Variants in LCMT1 observed in about 807,000 individuals in gnomAD.
LCMT1 encodes the protein [Phosphatase 2A protein]-leucine-carboxy methyltransferase 1.
In LCMT1, 32 loss-of-function variants were observed where a neutral mutation model predicts 47.7. That is an observed-to-expected ratio of 0.67 (90% CI 0.51 to 0.90). The LOEUF (loss-of-function observed/expected upper bound fraction) is 0.90, where lower values mean the gene tolerates loss of function less well. Among genes scored for constraint, LCMT1 ranks in the 40% least tolerant of loss-of-function variants. The pLI is 0.00. For synonymous variants in LCMT1, 152 were observed against 149.7 expected (o/e 1.02, Z -0.11); for missense variants, 375 against 415.2 (o/e 0.90, Z 0.84).
intron 2 of LCMT1, 57 bp from the exon 3 acceptor site, chr16:25,132,345 G>A: frequency 1.2e-6 from 2 of 1,603,558 alleles, no homozygotes; most frequent in Non-Finnish European, 1.7e-6. Flanking sequence ...GCTTCACAGG[G>A]ATAATTTCTG....
At chr16:25,126,979 A>G (rs1346782002) in intron 1 of LCMT1, among the ~76,000 whole-genome samples, 1 of 152,158 alleles carries the variant, frequency 6.6e-6, no homozygotes, top group Admixed American at 6.5e-5. Flanking sequence ...AGATGACACT[A>G]TATGATTTCT....
intron 4 of LCMT1, chr16:25,146,676 T>G (rs1241368067): frequency 6.6e-6 from 1 of 152,210 alleles, no homozygotes; most frequent in African/African-American, 2.4e-5. Context: ...GGCCTCCAAA[T>G]TTTCTGTAAT....
In LCMT1 at chr16:25,118,985, A is replaced by T. The variant is rs1366030622; in HGVS notation, c.113+6989A>T. Among the ~76,000 whole-genome samples the T allele has an allele frequency of 2.6e-5, 4 of 152,262 alleles. No homozygotes were observed. In the East Asian group the frequency reaches 7.7e-4, roughly 29 times the overall value. ...GGTGGTCTCACTTGGTTTTAATAGC[A>T]TTGCTTCAGCCTCTGTTAGGAGCAG... On this transcript the variant is annotated intron_variant, in intron 1 of 10. Transcript: ENST00000399069.
chr16:25,169,302 A>G, intron 8 of LCMT1, 89 bp downstream of exon 8: 1 of 854,184 alleles, frequency 1.2e-6, no homozygotes, highest in Non-Finnish European at 2.0e-6. Context: ...ATCATGGAGA[A>G]GCCCTGTTCA....
Position 25,153,032 on chromosome 16 carries a change from A to G in LCMT1, c.466+1417A>G, listed in dbSNP as rs138739204. Among the ~76,000 whole-genome samples the G allele has an allele frequency of 1.2e-4, 18 of 152,298 alleles. No individual in the cohort carries two copies. In the South Asian group the frequency reaches 2.9e-3, roughly 25 times the overall value. ...AGTCAGCACAGGTAACACCGTGGGC[A>G]TCAGGTGACTAGATGAGCCAGGTTT... On this transcript the variant is annotated intron_variant, in intron 5 of 10. Transcript: ENST00000399069.
rs1461660592 is a variant in LCMT1 at position 25,128,461 on chromosome 16, T to C, written c.114-14T>C. The C allele has an allele frequency of 5.6e-6, 9 of 1,593,106 alleles. No individual in the cohort carries two copies. Among genetic ancestry groups the C allele is most frequent in the Non-Finnish European group, 7.7e-6 (9 of 1,167,064 alleles). On this transcript the variant is annotated splice_polypyrimidine_tract_variant and intron_variant, in intron 1 of 10. Coordinates refer to ENST00000399069, the MANE Select transcript of LCMT1 (RefSeq NM_016309.3). ...CAATCTCTACTCACCTTCCTCCTTT[T>C]TTCTCCCTTCCAGGTTTGCAGTAAG...
intron 6 of LCMT1, among the ~76,000 whole-genome samples, chr16:25,164,376 T>C (rs1184980347): frequency 6.6e-6 from 1 of 152,160 alleles, no homozygotes; most frequent in African/African-American, 2.4e-5. Context: ...ATGTTTTCAT[T>C]GCCACACAAA....
chr16:25,140,431 A>G (rs768872056), intron 4 of LCMT1, 184 bp downstream of exon 4: 93 of 590,564 alleles, frequency 1.6e-4, no homozygotes, highest in Non-Finnish European at 2.6e-4. Flanking sequence ...AAAATGCAAT[A>G]TACATTTCCT....
chr16:25,115,302 C>T (rs1959753118), intron 1 of LCMT1, among the ~76,000 whole-genome samples: 1 of 152,206 alleles, frequency 6.6e-6, no homozygotes, highest in African/African-American at 2.4e-5. Context: ...CATCCTTCAT[C>T]CCTCGGTAAT....
chr16:25,127,915 T>C (rs1263863418), intron 1 of LCMT1, among the ~76,000 whole-genome samples: 3 of 152,214 alleles, frequency 2.0e-5, no homozygotes. Flanking sequence ...TTAAGGCTAC[T>C]GTGGCATTTT....
chr16:25,177,362 A>G (rs920585488), intron 10 of LCMT1, among the ~76,000 whole-genome samples: 2 of 152,130 alleles, frequency 1.3e-5, no homozygotes, highest in Admixed American at 6.6e-5. Context: ...CTATTTCTAA[A>G]TAGTGTTTTG....
intron 2 of LCMT1, among the ~76,000 whole-genome samples, chr16:25,130,017 G>C (rs1745541332): frequency 6.6e-6 from 1 of 152,138 alleles, no homozygotes; most frequent in Non-Finnish European, 1.5e-5. Flanking sequence ...GACAGCAGTA[G>C]GCCTAGGCTT....
chr16:25,138,347 A>C (rs1175965557), intron 3 of LCMT1, among the ~76,000 whole-genome samples: 29 of 152,114 alleles, frequency 1.9e-4, no homozygotes. Flanking sequence ...GACAGAGCTC[A>C]GGAGGAGTGA....
chr16:25,163,252 A>G (rs1197731423), intron 6 of LCMT1, among the ~76,000 whole-genome samples: 1 of 152,160 alleles, frequency 6.6e-6, no homozygotes, highest in African/African-American at 2.4e-5. Context: ...GCGGATCACG[A>G]GGTCAAGAGA....
chr16:25,135,114 A>T (rs1030359851), intron 3 of LCMT1, among the ~76,000 whole-genome samples: 2 of 152,074 alleles, frequency 1.3e-5, no homozygotes, highest in African/African-American at 2.4e-5. Context: ...CCTCTTATTT[A>T]TGAGCAAAGT....
At chr16:25,163,302 A>G (rs1961487540) in intron 6 of LCMT1, among the ~76,000 whole-genome samples, 1 of 152,106 alleles carries the variant, frequency 6.6e-6, no homozygotes, top group Admixed American at 6.5e-5. Context: ...CCCCGTCTCT[A>G]CTACAAATAC....
intron 1 of LCMT1, among the ~76,000 whole-genome samples, chr16:25,117,275 G>T (rs1243891102): frequency 2.0e-5 from 3 of 152,120 alleles, no homozygotes; most frequent in African/African-American, 7.2e-5. Context: ...TGCTGGCCAG[G>T]GTGATTGTCA....
At chr16:25,149,790 A>G (rs549703559) in intron 4 of LCMT1, among the ~76,000 whole-genome samples, 1 of 151,770 alleles carries the variant, frequency 6.6e-6, no homozygotes, top group Non-Finnish European at 1.5e-5. Context: ...GGGTGCATCT[A>G]TAGTCTCAGC....
chr16:25,122,647 A>G lies in LCMT1; in HGVS notation c.114-5828A>G, dbSNP rs1179839854. 4.0e-5 allele frequency among the ~76,000 whole-genome samples: 6 copies of G among 150,752 alleles called. No homozygotes were observed. In the East Asian group the frequency reaches 1.2e-3, roughly 30 times the overall value. On this transcript the variant is annotated intron_variant, in intron 1 of 10. Transcript: ENST00000399069. ...TCCAGCCCTTGTTATTTCCTGTTGG[A>G]CTGTTTGTCATGTCTTGTTTGGTTG...
Sources: gnomAD v4.1 joint callset for allele counts (sites outside exome capture counted in the v4.1 genomes callset) on GRCh38, gnomAD v4.1.1 for gene constraint, MANE v1.5 for transcripts, NCBI Gene and HGNC (gene_info 2026-07-23, HGNC 2026-07-21) for gene names.